The following FOSB variants were observed in gnomAD, a reference collection of about 807,000 sequenced individuals.
The protein encoded by FOSB is protein FosB.
A neutral mutation model predicts 31.1 loss-of-function variants in FOSB; 8 were observed. The ratio of observed to expected loss-of-function variants is 0.26; its 90% CI spans 0.15 to 0.46. The LOEUF is 0.46. Among genes scored for constraint, FOSB ranks in the 20% least tolerant of loss-of-function variants. The probability of loss-of-function intolerance (pLI) is 0.99; values close to 1 mark genes in which losing one functional copy is unlikely to be tolerated. For synonymous variants in FOSB, 214 were observed against 206.1 expected, an observed-to-expected ratio of 1.04 and a Z score of -0.33; for missense variants, 376 against 460.6, an observed-to-expected ratio of 0.82 and a Z score of 1.68.
Position 45,472,890 on chromosome 19 carries a change from TC to T in FOSB, c.896del (p.Ser299CysfsTer32), listed in dbSNP as rs745798308. On this transcript the variant is annotated frameshift_variant, in exon 4 of 4. Coordinates refer to ENST00000353609, the MANE Select transcript of FOSB (RefSeq NM_006732.3). LOFTEE classifies it high-confidence loss of function. The surrounding 1 kb of genome is among the most constrained non-coding windows in gnomAD (Gnocchi z 5.4). Reference protein sequence around the residue: ...LGDPFPVVNPSYTSSFVLTCP... With the variant: ...LGDPFPVVNPXYTSSFVLTCP... ...CGACCCCTTCCCCGTTGTTAACCCT[TC>T]GTACACTTCTTCGTTTGTCCTCACC... 4.3e-6 allele frequency: 7 copies of T among 1,614,172 alleles called. No individual in the cohort carries two copies. In the South Asian group the frequency reaches 7.7e-5, roughly 18 times the overall value.
chr19:45,470,435 T>C (rs1568613055), intron 1 of FOSB, 194 bp from the exon 2 acceptor site: 1 of 586,878 alleles, frequency 1.7e-6, no homozygotes, highest in Non-Finnish European at 3.0e-6. Context: ...TGAGCAGAAA[T>C]CCTCTCATTA....
In FOSB at chr19:45,468,601, C is replaced by T. The variant is rs2122133758; in HGVS notation, c.15C>T (p.Phe5=). MFQA[F]PGDYDSGSRC... is the part of the protein sequence containing the mutation. The stretch of plus-strand genomic sequence containing the variant: ...TGCCCAGGGAAATGTTTCAGGCTTT[C>T]CCCGGAGACTACGACTCCGGCTCCC... The change falls in exon 1 of 4, where the codon TTC becomes TTT. Residue 5 remains phenylalanine (F), a synonymous_variant. Transcript: ENST00000353609. The surrounding 1 kb of genome is among the most constrained non-coding windows in gnomAD (Gnocchi z 4.8). The T allele has an allele frequency of 6.2e-7, 1 of 1,612,786 alleles. No homozygotes were observed. The highest frequency in any genetic ancestry group is 2.2e-5 in the East Asian group (1 of 44,740).
At chr19:45,471,840 T>A (rs1418803344) in intron 3 of FOSB, 1 of 153,846 alleles carries the variant, frequency 6.5e-6, no homozygotes, top group African/African-American at 2.4e-5. Flanking sequence ...GCCTGCAGGG[T>A]GAGCTGTTAC....
intron 3 of FOSB, 158 bp downstream of exon 3, chr19:45,471,459 C>G: frequency 1.8e-6 from 1 of 570,286 alleles, no homozygotes; most frequent in Non-Finnish European, 3.1e-6. Context: ...GCCCAGGGCA[C>G]AAACACAGAC....
At chr19:45,471,104 C>T in intron 2 of FOSB, 90 bp from the exon 3 acceptor site, 5 of 1,390,684 alleles carry the variant, frequency 3.6e-6, no homozygotes, top group South Asian at 2.5e-5. Flanking sequence ...TGTTTTTTGG[C>T]TCTTGGGGGT....
chr19:45,470,468 G>A (rs1247847084), intron 1 of FOSB, 161 bp from the exon 2 acceptor site: 5 of 680,888 alleles, frequency 7.3e-6, no homozygotes, highest in South Asian at 5.4e-5. Flanking sequence ...CGGTGTAGTG[G>A]AAGGGTGGGT....
chr19:45,471,668 A>C, intron 3 of FOSB: 1 of 182,410 alleles, frequency 5.5e-6, no homozygotes, highest in Non-Finnish European at 1.2e-5. Flanking sequence ...CCCTCATCAA[A>C]TCTCCCGGGC....
Position 45,468,581 on chromosome 19 carries a change from A to G in FOSB, c.-6A>G. On this transcript the variant is annotated 5_prime_UTR_variant, in exon 1 of 4. Transcript: ENST00000353609. The surrounding 1 kb of genome is among the most constrained non-coding windows in gnomAD (Gnocchi z 4.8). ...TGGTCACAGGGGCCCCCCTGTGCCC[A>G]GGGAAATGTTTCAGGCTTTCCCCGG... The G allele has an allele frequency of 6.2e-7, 1 of 1,608,136 alleles. No individual in the cohort carries two copies. Among genetic ancestry groups the G allele is most frequent in the Non-Finnish European group, 8.5e-7 (1 of 1,178,232 alleles).
At chr19:45,471,623 A>C in intron 3 of FOSB, 1 of 234,562 alleles carries the variant, frequency 4.3e-6, no homozygotes, top group Non-Finnish European at 8.6e-6. Flanking sequence ...AGCAAGTAAC[A>C]ACCCATTTTG....
At position 45,473,412 on chromosome 19, in the gene FOSB, G is replaced by C; in HGVS notation, c.*400G>C. On this transcript the variant is annotated 3_prime_UTR_variant, in exon 4 of 4. Transcript: ENST00000353609. The stretch of plus-strand genomic sequence containing the variant: ...GGGGTGGGAGGTAGGCTGTGGGGTG[G>C]GCTGGAGTCCTCTCCAGAGAGGCTC... 5.1e-6 allele frequency: 1 copy of C among 196,038 alleles called. No homozygotes were observed. Among genetic ancestry groups the C allele is most frequent in the South Asian group, 1.2e-4 (1 of 8,504 alleles). The allele number at this position is 196,038 out of a possible 1,614,324, so 12.1% of individuals were successfully genotyped here.
Position 45,468,385 on chromosome 19 carries a change from GCA to G in FOSB, c.-199_-198del, listed in dbSNP as rs1397376240. 3 of 614,680 alleles carry G rather than the reference GCA, an allele frequency of 4.9e-6. No individual in the cohort carries two copies. The highest frequency in any genetic ancestry group is 8.6e-6 in the Non-Finnish European group (3 of 349,092). 38.1% of individuals were successfully genotyped at this position (614,680 alleles called of 1,614,324 possible). On this transcript the variant is annotated 5_prime_UTR_variant, in exon 1 of 4. Coordinates refer to ENST00000353609, the MANE Select transcript of FOSB (RefSeq NM_006732.3). This position sits in a 1 kb window ranked among gnomAD's most constrained non-coding sequence, Gnocchi z 4.8. Reference sequence around the variant, plus strand: ...GGGGCCTGGGCACCGCAGGAAGACTGCACAGAAACTTTGCCATTGTTGGAACG... The same window carrying G: ...GGGGCCTGGGCACCGCAGGAAGACTGCAGAAACTTTGCCATTGTTGGAACG...
chr19:45,472,722 G>A lies in FOSB; in HGVS notation c.727G>A (p.Gly243Ser). 2 of 1,611,060 alleles carry A rather than the reference G, an allele frequency of 1.2e-6. No homozygotes were observed. Among genetic ancestry groups the A allele is most frequent in the South Asian group, 2.2e-5 (2 of 90,868 alleles). Reference sequence around the variant, plus strand: ...GCTGGCGGAGGTGAGAGATTTGCCGGGCTCAGCACCGGCTAAGGAAGATGG... The same window carrying A: ...GCTGGCGGAGGTGAGAGATTTGCCGAGCTCAGCACCGGCTAAGGAAGATGG... Reference protein sequence around the residue: ...GPLAEVRDLPGSAPAKEDGFS... With the variant: ...GPLAEVRDLPSSAPAKEDGFS... Residue 243 changes from glycine (G) to serine (S), a missense_variant, in exon 4 of 4, where the codon GGC (glycine) becomes AGC (serine). Around this residue, in one of 3 missense-constraint regions of FOSB, gnomAD observed 148 missense variants for 170.0 expected, o/e 0.87. Coordinates refer to ENST00000353609, the MANE Select transcript of FOSB (RefSeq NM_006732.3). The surrounding 1 kb of genome is among the most constrained non-coding windows in gnomAD (Gnocchi z 5.4).
chr19:45,470,983 G>C (rs940150662), intron 2 of FOSB, 34 bp downstream of exon 2: 2 of 1,601,926 alleles, frequency 1.2e-6, no homozygotes, highest in African/African-American at 1.3e-5. Context: ...GGCCTGGGTA[G>C]GGGGAAGCAA....
In FOSB at chr19:45,472,437, G is replaced by C; in HGVS notation, c.556-114G>C. 1.2e-6 allele frequency: 1 copy of C among 803,370 alleles called. No homozygotes were observed. 49.8% of individuals were successfully genotyped at this position (803,370 alleles called of 1,614,324 possible). A position where few individuals can be genotyped will look rare whatever the true frequency, so the allele number is the denominator to read the frequency against. Reference sequence around the variant, plus strand: ...CTCAGGAGGTGTTTTTTCTCAGCCCGGGGCTGCCTTCCAGCAGCAAGTCCA... The same window carrying C: ...CTCAGGAGGTGTTTTTTCTCAGCCCCGGGCTGCCTTCCAGCAGCAAGTCCA... On this transcript the variant is annotated intron_variant, in intron 3 of 3. Coordinates refer to ENST00000353609, the MANE Select transcript of FOSB (RefSeq NM_006732.3). This position sits in a 1 kb window ranked among gnomAD's most constrained non-coding sequence, Gnocchi z 5.4.
chr19:45,470,810 G>T lies in FOSB; in HGVS notation c.308G>T (p.Ser103Ile). The T allele has an allele frequency of 6.2e-7, 1 of 1,614,090 alleles. No homozygotes were observed. The change falls in exon 2 of 4, where the codon AGC (serine) becomes ATC (isoleucine). Residue 103 changes from serine to isoleucine, a missense_variant. Around this residue, in one of 3 missense-constraint regions of FOSB, gnomAD observed 193 missense variants for 207.1 expected, o/e 0.93. Transcript: ENST00000353609. ...GACCCCTACGACATGCCGGGAACCA[G>T]CTACTCCACACCAGGCATGAGTGGC... ...VVDPYDMPGT[S>I]YSTPGMSGYS...
rs1324040194 is a variant in FOSB at position 45,473,046 on chromosome 19, G to T, written c.*34G>T. On this transcript the variant is annotated 3_prime_UTR_variant, in exon 4 of 4. Transcript: ENST00000353609. ...GACACACAAAACAAACAAACACATG[G>T]GGGAGAGAGACTTGGAAGAGGAGGA... 6.4e-7 allele frequency: 1 copy of T among 1,561,700 alleles called. No individual in the cohort carries two copies. The highest frequency in any genetic ancestry group is 2.2e-5 in the East Asian group (1 of 44,528).
Position 45,468,416 on chromosome 19 carries a change from C to T in FOSB, c.-171C>T. The T allele has an allele frequency of 1.5e-6, 1 of 687,330 alleles. No homozygotes were observed. Among genetic ancestry groups the T allele is most frequent in the Non-Finnish European group, 2.5e-6 (1 of 401,890 alleles). The allele number at this position is 687,330 out of a possible 1,614,324, so 42.6% of individuals were successfully genotyped here. On this transcript the variant is annotated 5_prime_UTR_variant, in exon 1 of 4. It adds an upstream start codon to the 5' untranslated region. Transcript: ENST00000353609. The surrounding 1 kb of genome is among the most constrained non-coding windows in gnomAD (Gnocchi z 4.8). Reference sequence around the variant, plus strand: ...AAACTTTGCCATTGTTGGAACGGGACGTTGCTCCTTCCCCGAGCTTCCCCG... The same window carrying T: ...AAACTTTGCCATTGTTGGAACGGGATGTTGCTCCTTCCCCGAGCTTCCCCG...
rs535620027 is a variant in FOSB, at chr19:45,472,144, G to A, written c.556-407G>A. Reference sequence around the variant, plus strand: ...GCTACTATGGAGGCTTTAGTGGGAGGATCGCTTGAGCCGAGGAGGTCCAGG... The same window carrying A: ...GCTACTATGGAGGCTTTAGTGGGAGAATCGCTTGAGCCGAGGAGGTCCAGG... On this transcript the variant is annotated intron_variant, in intron 3 of 3. Coordinates refer to ENST00000353609, the MANE Select transcript of FOSB (RefSeq NM_006732.3). The surrounding 1 kb of genome is among the most constrained non-coding windows in gnomAD (Gnocchi z 5.4). 137 of 157,814 alleles carry A rather than the reference G, an allele frequency of 8.7e-4. 1 individual carries two copies. Among genetic ancestry groups the A allele is most frequent in the Middle Eastern group, 6.5e-3 (2 of 308 alleles). 9.8% of individuals were successfully genotyped at this position (157,814 alleles called of 1,614,324 possible).
At chr19:45,471,080 G>C (rs922550507) in intron 2 of FOSB, 114 bp from the exon 3 acceptor site, 1 of 1,324,524 alleles carries the variant, frequency 7.5e-7, no homozygotes, top group East Asian at 2.5e-5. Context: ...CTACACGAGC[G>C]AGGACCGGAG....
Sources: gnomAD v4.1 joint callset for allele counts on GRCh38, gnomAD v4.1.1 for gene constraint, gnomAD v4.1.1 regional missense constraint, Gnocchi (gnomAD v3.1) non-coding constraint, MANE v1.5 for transcripts, NCBI Gene and HGNC (gene_info 2026-07-23, HGNC 2026-07-21) for gene names.